The following WDPCP variants were observed in gnomAD, a reference collection of about 807,000 sequenced individuals.
The protein encoded by WDPCP is WD repeat containing planar cell polarity effector.
In WDPCP, 71 loss-of-function variants were observed where a neutral mutation model predicts 93.1. The observed-to-expected ratio is 0.76, with a 90% CI of 0.63 to 0.93. WDPCP has a LOEUF of 0.93. WDPCP is among the 40% of genes least tolerant of loss of function. WDPCP has a pLI of 0.00. For missense variants in WDPCP, 844 were observed against 887.4 expected, an observed-to-expected ratio of 0.95 and a Z score of 0.62; for synonymous variants, 315 against 315.0, an observed-to-expected ratio of 1.00 and a Z score of 0.00.
intron 1 of WDPCP, among the ~76,000 whole-genome samples, chr2:63,542,154 T>C (rs1428056295): frequency 1.3e-5 from 2 of 152,134 alleles, no homozygotes; most frequent in African/African-American, 4.8e-5. Context: ...ATGTGAGGAC[T>C]CCCATTCTTG....
At chr2:63,152,309 C>G (rs1189978242) in intron 17 of WDPCP, among the ~76,000 whole-genome samples, 1 of 148,852 alleles carries the variant, frequency 6.7e-6, no homozygotes, top group Admixed American at 6.7e-5. Flanking sequence ...GAGTCTTGCT[C>G]TGTCACCCAG....
intron 2 of WDPCP, among the ~76,000 whole-genome samples, chr2:63,803,278 C>T (rs943937562): frequency 4.6e-5 from 7 of 151,874 alleles, no homozygotes; most frequent in Non-Finnish European, 8.8e-5. Flanking sequence ...TTTAAACATA[C>T]AAGGAAAAAT....
At chr2:63,157,476 C>T (rs1672340470) in intron 15 of WDPCP, among the ~76,000 whole-genome samples, 1 of 152,062 alleles carries the variant, frequency 6.6e-6, no homozygotes, top group Non-Finnish European at 1.5e-5. Flanking sequence ...ATATTTTTCT[C>T]TCAACGAATT....
intron 12 of WDPCP, among the ~76,000 whole-genome samples, chr2:63,328,138 A>G (rs1375155031): frequency 1.3e-5 from 2 of 152,074 alleles, no homozygotes; most frequent in Non-Finnish European, 2.9e-5. Context: ...AAATGCACCA[A>G]CCAGCACTCT....
At chr2:63,485,139 AG>A (rs1214168816) in intron 4 of WDPCP, 152 bp from the exon 5 acceptor site, 1 of 783,444 alleles carries the variant, frequency 1.3e-6, no homozygotes, top group Non-Finnish European at 2.1e-6. Context: ...GCCTTATGAA[AG>A]GCTTTGTCAT....
chr2:63,177,230 C>G (rs1673877044), intron 14 of WDPCP, among the ~76,000 whole-genome samples: 1 of 152,180 alleles, frequency 6.6e-6, no homozygotes, highest in Non-Finnish European at 1.5e-5. Flanking sequence ...TATTCAGCAT[C>G]TCTTGTGATT....
At chr2:63,679,914 A>G (rs1368268824) in intron 2 of WDPCP, among the ~76,000 whole-genome samples, 1 of 152,204 alleles carries the variant, frequency 6.6e-6, no homozygotes, top group African/African-American at 2.4e-5. Context: ...AATGCTTGAG[A>G]AAGGCCTAAA....
intron 10 of WDPCP, among the ~76,000 whole-genome samples, chr2:63,392,277 C>A (rs1194986151): frequency 5.3e-5 from 8 of 152,090 alleles, no homozygotes; most frequent in East Asian, 1.9e-4. Flanking sequence ...CAAAAACAAG[C>A]AATGGGGAAA....
intron 1 of WDPCP, among the ~76,000 whole-genome samples, chr2:63,818,127 G>C (rs1025254428): frequency 2.6e-5 from 4 of 152,204 alleles, no homozygotes; most frequent in African/African-American, 9.6e-5. Flanking sequence ...TAATGAAAGA[G>C]AATTGGCAAC....
intron 6 of WDPCP, among the ~76,000 whole-genome samples, chr2:63,470,544 C>T (rs892820128): frequency 6.6e-6 from 1 of 152,156 alleles, no homozygotes; most frequent in African/African-American, 2.4e-5. Flanking sequence ...CTCACCACTC[C>T]ACTGCTATCA....
At chr2:63,487,065 G>GA (rs1700615185) in intron 3 of WDPCP, among the ~76,000 whole-genome samples, 2 of 151,998 alleles carry the variant, frequency 1.3e-5, no homozygotes, top group Non-Finnish European at 2.9e-5. Context: ...ATCAGATAAA[G>GA]AAAATTGATC....
chr2:63,665,327 T>C (rs1366495446), intron 2 of WDPCP, among the ~76,000 whole-genome samples: 1 of 152,236 alleles, frequency 6.6e-6, no homozygotes, highest in African/African-American at 2.4e-5. Flanking sequence ...GGCAATCTGA[T>C]GTTCCTTGGC....
At chr2:63,292,047 G>A (rs1413738297) in intron 13 of WDPCP, among the ~76,000 whole-genome samples, 4 of 148,012 alleles carry the variant, frequency 2.7e-5, no homozygotes, top group Admixed American at 2.0e-4. Flanking sequence ...GCAGGAGAAT[G>A]GCGTGAACCC....
At chr2:63,618,688 A>AT (rs112387422) in intron 3 of WDPCP, among the ~76,000 whole-genome samples, 18,344 of 135,556 alleles carry the variant, frequency 0.14, 1,844 homozygotes, top group African/African-American at 0.28. Flanking sequence ...TGGGATAGTA[A>AT]TTTTTTTTTT....
Position 63,588,338 on chromosome 2 carries a change from C to CTCGCTTGG in WDPCP, c.-75_-68dup. The CTCGCTTGG allele has an allele frequency of 6.5e-7, 1 of 1,533,718 alleles. No homozygotes were observed. Among genetic ancestry groups the CTCGCTTGG allele is most frequent in the South Asian group, 1.2e-5 (1 of 83,808 alleles). On this transcript the variant is annotated 5_prime_UTR_variant, in exon 1 of 18. Coordinates refer to ENST00000272321, the MANE Select transcript of WDPCP (RefSeq NM_015910.7). ...CTCGGACCCGAGAGGGAGCGACACG[C>CTCGCTTGG]TCGCTTGGTCTCTTGGGTCTCCAGG...
intron 3 of WDPCP, among the ~76,000 whole-genome samples, chr2:63,637,188 C>G (rs2106634338): frequency 6.6e-6 from 1 of 151,952 alleles, no homozygotes; most frequent in Middle Eastern, 3.4e-3. Flanking sequence ...CCCACCTCTA[C>G]TAAAAATACA....
chr2:63,820,858 A>T (rs1249967325), intron 1 of WDPCP, among the ~76,000 whole-genome samples: 2 of 152,124 alleles, frequency 1.3e-5, no homozygotes, highest in Non-Finnish European at 2.9e-5. Flanking sequence ...AAAAACAACA[A>T]ACAAAAATCC....
At chr2:63,742,718 T>A (rs577402423) in intron 2 of WDPCP, among the ~76,000 whole-genome samples, 1 of 149,194 alleles carries the variant, frequency 6.7e-6, no homozygotes, top group East Asian at 2.0e-4. Flanking sequence ...GTTGGTGGAT[T>A]GTTTATTGTA....
At chr2:63,531,496 G>A (rs867666853) in intron 1 of WDPCP, among the ~76,000 whole-genome samples, 1 of 152,174 alleles carries the variant, frequency 6.6e-6, no homozygotes, top group African/African-American at 2.4e-5. Context: ...GCTTCCAGAG[G>A]AAGGATCAGG....
Sources: gnomAD v4.1 joint callset for allele counts (sites outside exome capture counted in the v4.1 genomes callset) on GRCh38, gnomAD v4.1.1 for gene constraint, MANE v1.5 for transcripts, NCBI Gene and HGNC (gene_info 2026-07-23, HGNC 2026-07-21) for gene names.